PGM1: variants seen among roughly 807,000 people sequenced by gnomAD.
The protein encoded by PGM1 is phosphoglucomutase-1.
Under a neutral mutation model 55.6 loss-of-function variants are expected in PGM1, and 52 were observed. The observed-to-expected ratio is 0.94, with a 90% CI of 0.75 to 1.18. The LOEUF is 1.18. PGM1 is among the 50% of genes most tolerant of loss of function. The probability of loss-of-function intolerance (pLI) is 0.00; values close to 1 mark genes in which losing one functional copy is unlikely to be tolerated. For synonymous variants in PGM1, 287 were observed against 271.7 expected (o/e 1.06, Z -0.55); for missense variants, 724 against 729.3 (o/e 0.99, Z 0.08).
At chr1:63,600,889 T>C (rs1250336962) in intron 1 of PGM1, among the ~76,000 whole-genome samples, 1 of 152,238 alleles carries the variant, frequency 6.6e-6, no homozygotes, top group Non-Finnish European at 1.5e-5. Context: ...CTATTATAAA[T>C]TTATCTTGGG....
At position 63,636,226 on chromosome 1, in the gene PGM1, T is replaced by C; in HGVS notation, c.874-8T>C. 1 of 1,613,524 alleles carries C rather than the reference T, an allele frequency of 6.2e-7. No individual in the cohort carries two copies. Among genetic ancestry groups the C allele is most frequent in the South Asian group, 1.1e-5 (1 of 91,082 alleles). On this transcript the variant is annotated splice_polypyrimidine_tract_variant and splice_region_variant and intron_variant, in intron 5 of 10. Transcript: ENST00000371084. ...AAGGTCTTTCTTTGATCCTCTCTTC[T>C]CCCCAAGGATCGAAACATGATTCTG...
Position 63,659,928 on chromosome 1 carries a change from G to T in PGM1, c.*253G>T. 1.7e-6 allele frequency: 1 copy of T among 585,010 alleles called. No individual in the cohort carries two copies. Among genetic ancestry groups the T allele is most frequent in the South Asian group, 1.9e-5 (1 of 52,780 alleles). 36.2% of individuals were successfully genotyped at this position (585,010 alleles called of 1,614,324 possible). A position where few individuals can be genotyped will look rare whatever the true frequency, so the allele number is the denominator to read the frequency against. On this transcript the variant is annotated 3_prime_UTR_variant, in exon 11 of 11. Coordinates refer to ENST00000371084, the MANE Select transcript of PGM1 (RefSeq NM_002633.3). ...TGCCCTCCTGCATTGCTGCTGCGTG[G>T]GTATTTGTCTCCTTAGCCATCAGGT...
intron 4 of PGM1, among the ~76,000 whole-genome samples, chr1:63,633,947 T>TTTA (rs1234005678): frequency 0.049 from 5,868 of 119,700 alleles, 388 homozygotes; most frequent in African/African-American, 0.064. Context: ...TTTTTTTTTT[T>TTTA]TTTTTTTTTT....
Position 63,659,599 on chromosome 1 carries a change from C to T in PGM1, c.1613C>T (p.Pro538Leu). Reference protein sequence around the residue: ...INQDPQVMLAPLISIALKVSQ... With the variant: ...INQDPQVMLALLISIALKVSQ... ...TGTCTTCCTCAGGTCATGTTGGCCC[C>T]CCTTATTTCCATTGCTCTGAAAGTG... Residue 538 changes from proline (P) to leucine (L), a missense_variant, in exon 11 of 11, where the codon CCC (proline) becomes CTC (leucine). Transcript: ENST00000371084. 1 of 1,613,758 alleles carries T rather than the reference C, an allele frequency of 6.2e-7. No individual in the cohort carries two copies.
At chr1:63,619,836 C>T (rs549004310) in intron 1 of PGM1, among the ~76,000 whole-genome samples, 1 of 152,252 alleles carries the variant, frequency 6.6e-6, no homozygotes, top group African/African-American at 2.4e-5. Context: ...GAGGCCCATC[C>T]ACCTTTGTTT....
At chr1:63,628,972 T>TTA (rs1649112957) in intron 1 of PGM1, among the ~76,000 whole-genome samples, 1 of 152,234 alleles carries the variant, frequency 6.6e-6, no homozygotes, top group Admixed American at 6.5e-5. Context: ...CCTTTTTACT[T>TTA]TAAAAAAGCC....
intron 1 of PGM1, among the ~76,000 whole-genome samples, chr1:63,620,783 C>T (rs1418978506): frequency 1.3e-5 from 2 of 152,150 alleles, no homozygotes; most frequent in Admixed American, 1.3e-4. Context: ...AGTTCCTTGT[C>T]TGAAGGGAGT....
rs190818785 is a variant in PGM1, at chr1:63,659,716, C to T, written c.*41C>T. ...GTGGTACGTCCCTCCACCCCCGGACCCATCCAAGTCATCTGATTGAAGAGC... is the reference window on the plus strand; with the variant it reads ...GTGGTACGTCCCTCCACCCCCGGACTCATCCAAGTCATCTGATTGAAGAGC... On this transcript the variant is annotated 3_prime_UTR_variant, in exon 11 of 11. Transcript: ENST00000371084. 114 of 1,407,378 alleles carry T rather than the reference C, an allele frequency of 8.1e-5. No homozygotes were observed. In the African/African-American group the frequency reaches 1.3e-3, roughly 16 times the overall value. 87.2% of individuals were successfully genotyped at this position (1,407,378 alleles called of 1,614,324 possible).
chr1:63,651,955 C>A, intron 9 of PGM1, 103 bp downstream of exon 9: 2 of 1,127,628 alleles, frequency 1.8e-6, no homozygotes, highest in Non-Finnish European at 2.6e-6. Context: ...TTTTCTTTTG[C>A]TGCTGTGTTT....
intron 1 of PGM1, among the ~76,000 whole-genome samples, chr1:63,602,351 A>G (rs1428725545): frequency 6.6e-6 from 1 of 152,210 alleles, no homozygotes; most frequent in African/African-American, 2.4e-5. Flanking sequence ...GAATCTTCTC[A>G]GATTTAAGTT....
intron 4 of PGM1, 117 bp downstream of exon 4, chr1:63,631,899 A>C: frequency 9.6e-7 from 1 of 1,044,320 alleles, no homozygotes; most frequent in Non-Finnish European, 1.5e-6. Flanking sequence ...GTTTTTAAAT[A>C]GAGTTATTTT....
At chr1:63,612,754 A>G (rs1884467) in intron 1 of PGM1, among the ~76,000 whole-genome samples, 20,381 of 152,228 alleles carry the variant, frequency 0.13, 1,494 homozygotes, top group Non-Finnish European at 0.15. Flanking sequence ...ATTGTTGCAC[A>G]AGACTTTGTG....
chr1:63,637,841 G>T lies in PGM1; in HGVS notation c.1029-844G>T, dbSNP rs185999885. ...CTCATTACCCAGATAAAAGTTTATT[G>T]TACTTTCATAGTTTTCAAAATCATA... On this transcript the variant is annotated intron_variant, in intron 6 of 10. Coordinates refer to ENST00000371084, the MANE Select transcript of PGM1 (RefSeq NM_002633.3). Among the ~76,000 whole-genome samples, 6 of 152,206 alleles carry T rather than the reference G, an allele frequency of 3.9e-5. No homozygotes were observed. The East Asian group carries it at 1.2e-3, about 29-fold the overall frequency.
chr1:63,640,499 A>G (rs1265392109), intron 7 of PGM1, among the ~76,000 whole-genome samples: 4 of 152,208 alleles, frequency 2.6e-5, no homozygotes, highest in South Asian at 2.1e-4. Context: ...ACCACTATAT[A>G]TAATAATTAT....
chr1:63,651,999 T>G, intron 9 of PGM1, 147 bp downstream of exon 9: 1 of 750,800 alleles, frequency 1.3e-6, no homozygotes, highest in African/African-American at 1.7e-5. Context: ...GGTTTTCTGC[T>G]GTCCCACGTG....
intron 1 of PGM1, among the ~76,000 whole-genome samples, chr1:63,610,097 T>C (rs17125177): frequency 0.12 from 18,607 of 152,298 alleles, 1,257 homozygotes; most frequent in Middle Eastern, 0.22. Context: ...GCTTAACTTA[T>C]CTAAAACTGT....
intron 1 of PGM1, among the ~76,000 whole-genome samples, chr1:63,613,239 TG>T (rs1254115432): frequency 7.0e-6 from 1 of 142,296 alleles, no homozygotes; most frequent in Non-Finnish European, 1.5e-5. Flanking sequence ...GCCACTCTGC[TG>T]CAAAAGGAGT....
chr1:63,607,155 C>T (rs193099504), intron 1 of PGM1, among the ~76,000 whole-genome samples: 19 of 152,318 alleles, frequency 1.2e-4, no homozygotes, highest in African/African-American at 4.6e-4. Flanking sequence ...CTTAAGCAGC[C>T]GTTAGTCTAC....
chr1:63,630,227 T>A, intron 3 of PGM1, 139 bp downstream of exon 3: 1 of 922,022 alleles, frequency 1.1e-6, no homozygotes, highest in Non-Finnish European at 1.8e-6. Flanking sequence ...GTTAGTTAAT[T>A]AACAAGTCTG....
Sources: gnomAD v4.1 joint callset for allele counts (sites outside exome capture counted in the v4.1 genomes callset) on GRCh38, gnomAD v4.1.1 for gene constraint, MANE v1.5 for transcripts, NCBI Gene and HGNC (gene_info 2026-07-23, HGNC 2026-07-21) for gene names.